Variants in C1orf146 observed in about 807,000 individuals in gnomAD.
C1orf146 encodes protein SPO16 homolog.
C1orf146 carries 22 observed loss-of-function variants against 23.0 expected under a neutral mutation model. The ratio of observed to expected loss-of-function variants is 0.96; its 90% CI spans 0.68 to 1.36. C1orf146 has a LOEUF of 1.36. Among genes scored for constraint, C1orf146 ranks in the 40% most tolerant of loss-of-function variants. C1orf146 has a pLI of 0.00. For missense variants in C1orf146, 199 were observed against 206.8 expected (o/e 0.96, Z 0.23); for synonymous variants, 59 against 65.3 (o/e 0.90, Z 0.47).
chr1:92,232,248 A>G (rs972049655), intron 2 of C1orf146, among the ~76,000 whole-genome samples: 5 of 143,306 alleles, frequency 3.5e-5, no homozygotes, highest in Non-Finnish European at 1.5e-5. Flanking sequence ...TCCCAATGCT[A>G]TCCGTCCTCC....
chr1:92,235,125 T>A (rs1237894097), intron 2 of C1orf146, among the ~76,000 whole-genome samples: 1 of 152,050 alleles, frequency 6.6e-6, no homozygotes, highest in African/African-American at 2.4e-5. Flanking sequence ...TCTGCTCTGA[T>A]TTTAGTTATT....
chr1:92,237,428 G>C (rs1652311601), intron 2 of C1orf146, among the ~76,000 whole-genome samples: 1 of 152,170 alleles, frequency 6.6e-6, no homozygotes, highest in Non-Finnish European at 1.5e-5. Context: ...GTGGTTTTTT[G>C]TGAACCACGA....
Position 92,244,818 on chromosome 1 carries a change from C to T in C1orf146, c.369C>T (p.Asn123=), listed in dbSNP as rs761803960. ...ACTTACGAATACTTCCAGTACACAA[C>T]ACAGTAAATGCTATTAATCTTATGT... The part of the protein sequence containing the change: ...GCNLRILPVH[N]TVNAINLMCT... Residue 123 remains asparagine, a synonymous_variant, in exon 5 of 6, where the codon AAC becomes AAT. Coordinates refer to ENST00000370375, the MANE Select transcript of C1orf146 (RefSeq NM_001012425.2). The T allele has an allele frequency of 6.2e-7, 1 of 1,609,172 alleles. No individual in the cohort carries two copies. Among genetic ancestry groups the T allele is most frequent in the South Asian group, 1.1e-5 (1 of 90,568 alleles).
chr1:92,240,905 G>A (rs754895261), intron 2 of C1orf146: 3 of 462,600 alleles, frequency 6.5e-6, no homozygotes, highest in South Asian at 1.6e-5. Context: ...AATTGCCTGG[G>A]TGGAATAGGA....
chr1:92,242,112 G>T, intron 2 of C1orf146, 100 bp from the exon 3 acceptor site: 3 of 528,960 alleles, frequency 5.7e-6, no homozygotes, highest in South Asian at 3.2e-5. Flanking sequence ...TCTTTAAGTG[G>T]TAGTTATAAA....
rs1468787848 is a variant in C1orf146, at chr1:92,245,739, C to G, written c.*65C>G. ...ATTAGACCTGTTAAATTATAATATTCAAATATCTATTTAAAGACATTTATA... is the reference window on the plus strand; with the variant it reads ...ATTAGACCTGTTAAATTATAATATTGAAATATCTATTTAAAGACATTTATA... On this transcript the variant is annotated 3_prime_UTR_variant, in exon 6 of 6. Transcript: ENST00000370375. The G allele has an allele frequency of 2.1e-6, 2 of 953,468 alleles. No homozygotes were observed. The highest frequency in any genetic ancestry group is 3.0e-6 in the Non-Finnish European group (2 of 656,032). 59.1% of individuals were successfully genotyped at this position (953,468 alleles called of 1,614,324 possible). A position where few individuals can be genotyped will look rare whatever the true frequency, so the allele number is the denominator to read the frequency against.
intron 3 of C1orf146, among the ~76,000 whole-genome samples, chr1:92,243,660 ACT>A (rs1276809502): frequency 2.0e-5 from 3 of 152,054 alleles, no homozygotes; most frequent in South Asian, 2.1e-4. Flanking sequence ...CTTGCTTAAG[ACT>A]CTCTTTCTTT....
At chr1:92,244,611 T>G (rs1001164124) in intron 4 of C1orf146, among the ~76,000 whole-genome samples, 168 bp from the exon 5 acceptor site, 1 of 152,200 alleles carries the variant, frequency 6.6e-6, no homozygotes, top group Non-Finnish European at 1.5e-5. Flanking sequence ...ACTTTTTTAG[T>G]CAGTGATGTT....
chr1:92,243,519 G>A (rs552459623), intron 3 of C1orf146, among the ~76,000 whole-genome samples: 1 of 151,976 alleles, frequency 6.6e-6, no homozygotes, highest in Admixed American at 6.6e-5. Flanking sequence ...GCTAATTTTT[G>A]TATTTTTAGT....
intron 2 of C1orf146, among the ~76,000 whole-genome samples, chr1:92,234,232 A>G (rs1051080719): frequency 2.0e-5 from 3 of 148,210 alleles, no homozygotes; most frequent in African/African-American, 7.3e-5. Flanking sequence ...ATTGAGTATG[A>G]TATTGCCTGT....
rs186558949 is a variant in C1orf146, at chr1:92,228,876, G to C, written c.-39-2506G>C. The C allele has an allele frequency of 8.6e-4, 340 of 395,460 alleles. 2 individuals are homozygous for C. Among genetic ancestry groups the C allele is most frequent in the East Asian group, 2.2e-3 (32 of 14,794 alleles). 24.5% of individuals were successfully genotyped at this position (395,460 alleles called of 1,614,324 possible). A position where few individuals can be genotyped will look rare whatever the true frequency, so the allele number is the denominator to read the frequency against. ...GATCCAGTGCTGATATCAGATACTA[G>C]CTTCAAGGACAATTTCTTTTCGAAG... On this transcript the variant is annotated intron_variant, in intron 1 of 5. Transcript: ENST00000370375.
intron 3 of C1orf146, among the ~76,000 whole-genome samples, chr1:92,243,266 C>T (rs1056109284): frequency 6.6e-6 from 1 of 152,202 alleles, no homozygotes; most frequent in Non-Finnish European, 1.5e-5. Context: ...AATCAAGTTT[C>T]CCTTTAGGAC....
intron 2 of C1orf146, among the ~76,000 whole-genome samples, chr1:92,234,799 G>T (rs1652234116): frequency 1.3e-5 from 2 of 152,130 alleles, no homozygotes; most frequent in South Asian, 4.2e-4. Context: ...TCCTGTTATT[G>T]GTCTATTCAG....
At chr1:92,234,339 A>G (rs1652217278) in intron 2 of C1orf146, among the ~76,000 whole-genome samples, 1 of 152,208 alleles carries the variant, frequency 6.6e-6, no homozygotes, top group Non-Finnish European at 1.5e-5. Context: ...GAATTTTGTC[A>G]AAGACCTTTT....
intron 2 of C1orf146, among the ~76,000 whole-genome samples, chr1:92,237,341 G>A (rs1393439249): frequency 6.6e-6 from 1 of 152,206 alleles, no homozygotes; most frequent in East Asian, 1.9e-4. Flanking sequence ...ACCCTCAGTT[G>A]CAGGTCTGTT....
At chr1:92,229,237 C>T (rs1324180450) in intron 1 of C1orf146, 8 of 553,610 alleles carry the variant, frequency 1.4e-5, no homozygotes, top group East Asian at 9.4e-5. Flanking sequence ...ATGGTGGTGC[C>T]GCTGGACAGC....
At position 92,221,659 on chromosome 1, in the gene C1orf146, T is replaced by C. The variant is rs1466539448; in HGVS notation, c.-40+3611T>C. On this transcript the variant is annotated intron_variant, in intron 1 of 5. Coordinates refer to ENST00000370375, the MANE Select transcript of C1orf146 (RefSeq NM_001012425.2). Reference sequence around the variant, plus strand: ...AACTTCTGGGACCTTTTTCAGTGAATATCAAAGTGTTTCAAAGAGGTTATT... The same window carrying C: ...AACTTCTGGGACCTTTTTCAGTGAACATCAAAGTGTTTCAAAGAGGTTATT... Among the ~76,000 whole-genome samples, 5 of 152,352 alleles carry C rather than the reference T, an allele frequency of 3.3e-5. No homozygotes were observed. The East Asian group carries it at 9.6e-4, about 29-fold the overall frequency.
intron 1 of C1orf146, among the ~76,000 whole-genome samples, chr1:92,220,727 T>C (rs141633950): frequency 2.4e-4 from 36 of 152,326 alleles, no homozygotes; most frequent in African/African-American, 8.7e-4. Flanking sequence ...AATGAGTTCA[T>C]ACTGTGACCG....
chr1:92,219,332 A>G (rs766858998), intron 1 of C1orf146, among the ~76,000 whole-genome samples: 2 of 152,222 alleles, frequency 1.3e-5, no homozygotes, highest in Non-Finnish European at 2.9e-5. Flanking sequence ...TCATGGAGCT[A>G]GTTAACTTCT....
Sources: allele counts gnomAD v4.1 joint callset (sites outside exome capture counted in the v4.1 genomes callset), GRCh38; gene constraint gnomAD v4.1.1; transcripts MANE v1.5; gene names NCBI Gene and HGNC (gene_info 2026-07-23, HGNC 2026-07-21).